CSMD3: variants seen among roughly 807,000 people sequenced by gnomAD.
CSMD3 encodes CUB and Sushi multiple domains 3.
CSMD3 carries 177 observed loss-of-function variants against 435.2 expected under a neutral mutation model. The ratio of observed to expected loss-of-function variants is 0.41; its 90% CI spans 0.36 to 0.46. CSMD3 has a LOEUF of 0.46. CSMD3 is among the 20% of genes least tolerant of loss of function. The pLI, the probability that CSMD3 is intolerant of heterozygous loss-of-function variation, is 0.34. For missense variants in CSMD3, 4,265 were observed against 4,504.6 expected, an observed-to-expected ratio of 0.95 and a Z score of 1.52; for synonymous variants, 1,656 against 1,520.5, an observed-to-expected ratio of 1.09 and a Z score of -2.07.
chr8:112,692,255 A>T (rs1226495150), intron 13 of CSMD3, among the ~76,000 whole-genome samples: 1 of 151,470 alleles, frequency 6.6e-6, no homozygotes, highest in Non-Finnish European at 1.5e-5. Flanking sequence ...AGCCTTTCTT[A>T]TTTATTAAAA....
At chr8:112,294,423 T>C (rs1218418106) in intron 54 of CSMD3, among the ~76,000 whole-genome samples, 1 of 152,136 alleles carries the variant, frequency 6.6e-6, no homozygotes, top group African/African-American at 2.4e-5. Context: ...AATTTTAATA[T>C]AAATGTCCGT....
At chr8:113,318,897 G>C (rs1355361798) in intron 1 of CSMD3, among the ~76,000 whole-genome samples, 1 of 151,460 alleles carries the variant, frequency 6.6e-6, no homozygotes, top group Non-Finnish European at 1.5e-5. Flanking sequence ...ATTCCATTTT[G>C]TGTGTGAGTA....
At chr8:112,954,840 C>G in intron 7 of CSMD3, 79 bp from the exon 8 acceptor site, 1 of 882,100 alleles carries the variant, frequency 1.1e-6, no homozygotes, top group Non-Finnish European at 1.8e-6. Flanking sequence ...ATTTTGTTAG[C>G]ATGGACTTAT....
chr8:112,859,138 C>A lies in CSMD3; in HGVS notation c.1755+7G>T, dbSNP rs1353929066. On this transcript the variant is annotated splice_region_variant and intron_variant, in intron 11 of 70. Transcript: ENST00000297405. The stretch of plus-strand genomic sequence containing the variant: ...TTTTTTTTAAATCACAGATGGTGTT[C>A]TCTTACCTTATTTGTATTCACTGCT... The A allele has an allele frequency of 1.2e-6, 2 of 1,608,820 alleles. No homozygotes were observed. The highest frequency in any genetic ancestry group is 8.5e-7 in the Non-Finnish European group (1 of 1,175,892).
chr8:113,073,061 A>G (rs4509361), intron 5 of CSMD3, among the ~76,000 whole-genome samples: 101,720 of 151,392 alleles, frequency 0.67, 35,791 homozygotes, highest in East Asian at 0.95. Flanking sequence ...AAATATATCA[A>G]ATTCATTATA....
intron 51 of CSMD3, 74 bp from the exon 52 acceptor site, chr8:112,304,989 C>T: frequency 9.3e-7 from 1 of 1,070,830 alleles, no homozygotes; most frequent in Non-Finnish European, 1.4e-6. Flanking sequence ...TTTACATCTC[C>T]ACTGACCTAA....
chr8:113,128,207 T>G (rs1010771184), intron 4 of CSMD3, among the ~76,000 whole-genome samples: 3 of 152,112 alleles, frequency 2.0e-5, no homozygotes, highest in African/African-American at 7.2e-5. Context: ...AGTACTTTGG[T>G]AAATTTTTGT....
chr8:113,238,225 T>C (rs1259598347), intron 3 of CSMD3, among the ~76,000 whole-genome samples: 2 of 152,096 alleles, frequency 1.3e-5, no homozygotes, highest in African/African-American at 2.4e-5. Flanking sequence ...ATACACACCA[T>C]TGTAGGTTAG....
intron 38 of CSMD3, among the ~76,000 whole-genome samples, chr8:112,370,584 G>A (rs1828294631): frequency 6.6e-6 from 1 of 152,014 alleles, no homozygotes; most frequent in African/African-American, 2.4e-5. Flanking sequence ...GTTCCCTAAA[G>A]CAGTATCTTC....
At chr8:112,330,453 A>G (rs2130920853) in intron 45 of CSMD3, among the ~76,000 whole-genome samples, 1 of 152,236 alleles carries the variant, frequency 6.6e-6, no homozygotes, top group East Asian at 1.9e-4. Context: ...TGGCTTAAAC[A>G]CCATAAAATA....
intron 1 of CSMD3, among the ~76,000 whole-genome samples, chr8:113,346,942 T>C (rs188215177): frequency 2.0e-5 from 3 of 152,206 alleles, no homozygotes; most frequent in Non-Finnish European, 2.9e-5. Flanking sequence ...TTCTTCTTTA[T>C]GAGAAAATGG....
At chr8:112,353,182 G>A (rs1355625881) in intron 38 of CSMD3, among the ~76,000 whole-genome samples, 2 of 152,124 alleles carry the variant, frequency 1.3e-5, no homozygotes, top group Non-Finnish European at 2.9e-5. Context: ...CCTGTGGTCA[G>A]GAGTTTGAGA....
intron 54 of CSMD3, among the ~76,000 whole-genome samples, chr8:112,294,576 C>G (rs1049963824): frequency 6.6e-6 from 1 of 151,988 alleles, no homozygotes; most frequent in African/African-American, 2.4e-5. Flanking sequence ...TTATTCAGCT[C>G]TATTTTTATT....
At chr8:112,604,777 T>C (rs973895276) in intron 22 of CSMD3, among the ~76,000 whole-genome samples, 2 of 151,964 alleles carry the variant, frequency 1.3e-5, no homozygotes, top group Admixed American at 1.3e-4. Flanking sequence ...ATACAAAAAT[T>C]AACAAAGAGG....
chr8:112,310,975 C>T lies in CSMD3; in HGVS notation c.7885+3G>A, dbSNP rs2130812231. On this transcript the variant is annotated splice_donor_region_variant and intron_variant, in intron 50 of 70. Transcript: ENST00000297405. ...TTGTTCATTTTGGCATAATATACTT[C>T]ACCTTGACAGGCAGGGACTGGCGCA... 6.2e-7 allele frequency: 1 copy of T among 1,613,362 alleles called. No homozygotes were observed. Among genetic ancestry groups the T allele is most frequent in the Non-Finnish European group, 8.5e-7 (1 of 1,179,338 alleles).
At chr8:113,191,513 T>C (rs758371694) in intron 3 of CSMD3, among the ~76,000 whole-genome samples, 38 of 151,692 alleles carry the variant, frequency 2.5e-4, no homozygotes, top group Admixed American at 4.0e-4. Flanking sequence ...TCTGTTCCCA[T>C]GTTAATTTGC....
intron 1 of CSMD3, among the ~76,000 whole-genome samples, chr8:113,369,887 G>A (rs2133044628): frequency 6.6e-6 from 1 of 151,944 alleles, no homozygotes; most frequent in East Asian, 1.9e-4. Context: ...GTAGAATGGT[G>A]ATTACTAGAG....
chr8:112,763,435 A>G (rs576716362), intron 13 of CSMD3, among the ~76,000 whole-genome samples: 15 of 151,070 alleles, frequency 9.9e-5, no homozygotes, highest in African/African-American at 3.6e-4. Flanking sequence ...AATTATCCTA[A>G]TATATTTACT....
At chr8:112,635,766 T>C (rs1365421253) in intron 22 of CSMD3, among the ~76,000 whole-genome samples, 1 of 152,190 alleles carries the variant, frequency 6.6e-6, no homozygotes, top group Non-Finnish European at 1.5e-5. Context: ...TCCCACATTC[T>C]ATATATTGGA....
Sources: gnomAD v4.1 joint callset for allele counts (sites outside exome capture counted in the v4.1 genomes callset) on GRCh38, gnomAD v4.1.1 for gene constraint, MANE v1.5 for transcripts, NCBI Gene and HGNC (gene_info 2026-07-23, HGNC 2026-07-21) for gene names.